Variants in PDE11A observed in about 807,000 individuals in gnomAD.
PDE11A encodes phosphodiesterase 11A.
A neutral mutation model predicts 100.5 loss-of-function variants in PDE11A; 100 were observed. The ratio of observed to expected loss-of-function variants is 1.00; its 90% confidence interval spans 0.85 to 1.18. PDE11A has a LOEUF of 1.18. Among genes scored for constraint, PDE11A ranks in the 50% most tolerant of loss-of-function variants. PDE11A has a pLI of 0.00. For synonymous variants in PDE11A, 381 were observed against 420.8 expected (o/e 0.91, Z 1.16); for missense variants, 1,141 against 1,152.6 (o/e 0.99, Z 0.15).
chr2:177,699,255 C>T (rs111997576), intron 14 of PDE11A, among the ~76,000 whole-genome samples: 2,606 of 152,260 alleles, frequency 0.017, 66 homozygotes, highest in African/African-American at 0.059. Flanking sequence ...CTGTCTGTAA[C>T]ACTGTGAGCA....
At chr2:178,001,311 T>TGTGTGTGTGTGTGTGTGTG (rs59287027) in intron 2 of PDE11A, among the ~76,000 whole-genome samples, 5 of 148,014 alleles carry the variant, frequency 3.4e-5, no homozygotes, top group African/African-American at 1.3e-4. Context: ...TGTGTGTGTG[T>TGTGTGTGTGTGTGTGTGTG]AGTAGGTTTA....
At chr2:177,938,978 G>A (rs985444057) in intron 2 of PDE11A, among the ~76,000 whole-genome samples, 7 of 152,184 alleles carry the variant, frequency 4.6e-5, no homozygotes, top group Admixed American at 1.3e-4. Context: ...GCACACCAAG[G>A]AGACAGGCCT....
intron 1 of PDE11A, chr2:178,018,369 T>TTCGGCACACTTGACTTTAAC (rs372235652): frequency 2.7e-6 from 1 of 372,402 alleles, no homozygotes; most frequent in Non-Finnish European, 5.4e-6. Context: ...AGGCAGGCCT[T>TTCGGCACACTTGACTTTAAC]TTGGCACACT....
At chr2:177,736,631 T>A (rs897543458) in intron 10 of PDE11A, among the ~76,000 whole-genome samples, 1 of 152,030 alleles carries the variant, frequency 6.6e-6, no homozygotes, top group Non-Finnish European at 1.5e-5. Context: ...TGGCTGCTGA[T>A]CCTTGTGCAT....
chr2:177,723,309 A>T (rs1283657603), intron 12 of PDE11A: 1 of 152,166 alleles, frequency 6.6e-6, no homozygotes, highest in African/African-American at 2.4e-5. Context: ...TGACAACACA[A>T]ATATGGATTT....
intron 2 of PDE11A, among the ~76,000 whole-genome samples, chr2:177,992,438 A>C (rs2086015896): frequency 7.0e-6 from 1 of 143,760 alleles, no homozygotes; most frequent in Admixed American, 7.1e-5. Context: ...ATGTATATAG[A>C]TGGTAAACAG....
chr2:178,087,905 TTG>T (rs2087378610), intron 2 of PDE11A, among the ~76,000 whole-genome samples: 2 of 152,220 alleles, frequency 1.3e-5, no homozygotes, highest in Middle Eastern at 6.8e-3. Flanking sequence ...AGTTTTTTTT[TTG>T]TTTTTTTCTT....
chr2:177,830,102 C>T (rs1419516964), intron 6 of PDE11A, among the ~76,000 whole-genome samples: 1 of 151,950 alleles, frequency 6.6e-6, no homozygotes, highest in Non-Finnish European at 1.5e-5. Context: ...GGGCCATGGC[C>T]GGCAGAAAAA....
At chr2:177,934,658 T>A (rs897422903) in intron 2 of PDE11A, among the ~76,000 whole-genome samples, 3 of 152,122 alleles carry the variant, frequency 2.0e-5, no homozygotes, top group Admixed American at 2.0e-4. Context: ...AGAAAATAAA[T>A]CATTCTACCA....
At chr2:178,015,424 C>CA (rs199989786) in intron 1 of PDE11A, among the ~76,000 whole-genome samples, 12 of 150,506 alleles carry the variant, frequency 8.0e-5, no homozygotes, top group East Asian at 1.9e-4. Context: ...TCATGAAAGA[C>CA]AAAAAAAAAG....
intron 19 of PDE11A, among the ~76,000 whole-genome samples, chr2:177,653,508 C>T (rs560333587): frequency 7.2e-5 from 11 of 152,112 alleles, no homozygotes; most frequent in Non-Finnish European, 1.0e-4. Context: ...TGAATGTGGC[C>T]ATGTTTGGAA....
intron 5 of PDE11A, among the ~76,000 whole-genome samples, chr2:177,859,102 G>A (rs1002649199): frequency 5.9e-5 from 9 of 152,058 alleles, no homozygotes; most frequent in African/African-American, 2.2e-4. Context: ...GTCGTGGGGT[G>A]GGGGGATCGG....
intron 16 of PDE11A, among the ~76,000 whole-genome samples, chr2:177,677,525 C>T (rs972800089): frequency 1.3e-5 from 2 of 152,070 alleles, no homozygotes; most frequent in Non-Finnish European, 2.9e-5. Context: ...GGGGAGTCAA[C>T]TAAGCCTGGG....
chr2:177,827,606 C>G (rs2083245772), intron 6 of PDE11A, among the ~76,000 whole-genome samples: 1 of 152,148 alleles, frequency 6.6e-6, no homozygotes. Context: ...ATACCTTAGA[C>G]TGACTAAATA....
intron 2 of PDE11A, among the ~76,000 whole-genome samples, chr2:178,085,125 T>C (rs921704937): frequency 4.6e-5 from 7 of 152,202 alleles, no homozygotes; most frequent in Admixed American, 1.3e-4. Context: ...AAATGTTTTG[T>C]TGTTGCAGGT....
chr2:177,938,200 G>C (rs1261852626), intron 2 of PDE11A, among the ~76,000 whole-genome samples: 1 of 152,142 alleles, frequency 6.6e-6, no homozygotes, highest in Non-Finnish European at 1.5e-5. Flanking sequence ...AGAGTTTAGG[G>C]GACATGCTGC....
rs570420404 is a variant in PDE11A, at chr2:177,823,654, A to G, written c.1501-3359T>C. 3.3e-5 allele frequency among the ~76,000 whole-genome samples: 5 copies of G among 152,302 alleles called. No individual in the cohort carries two copies. The East Asian group carries it at 9.6e-4, about 29-fold the overall frequency. On this transcript the variant is annotated intron_variant, in intron 6 of 19. Coordinates refer to ENST00000286063, the MANE Select transcript of PDE11A (RefSeq NM_016953.4). ...ATCAAAGTTATCTTCCAAAAAAACAAACTGGTTTTCTTCCCCTCCCTAAGG... is the reference window on the plus strand; with the variant it reads ...ATCAAAGTTATCTTCCAAAAAAACAGACTGGTTTTCTTCCCCTCCCTAAGG...
At position 177,817,841 on chromosome 2, in the gene PDE11A, T is replaced by C; in HGVS notation, c.1644+17A>G. The C allele has an allele frequency of 1.0e-5, 13 of 1,295,700 alleles. No individual in the cohort carries two copies. Among genetic ancestry groups the C allele is most frequent in the Non-Finnish European group, 1.5e-5 (13 of 891,898 alleles). The allele number at this position is 1,295,700 out of a possible 1,614,324, so 80.3% of individuals were successfully genotyped here. On this transcript the variant is annotated intron_variant, in intron 8 of 19. Coordinates refer to ENST00000286063, the MANE Select transcript of PDE11A (RefSeq NM_016953.4). The stretch of plus-strand genomic sequence containing the variant: ...ACTATTGATGACTCCACTTGGTTTA[T>C]AAATTTATTTTCTTACCTCAAAAAG...
intron 5 of PDE11A, among the ~76,000 whole-genome samples, chr2:177,850,203 C>G (rs567480560): frequency 7.9e-5 from 12 of 152,142 alleles, no homozygotes; most frequent in Non-Finnish European, 1.3e-4. Flanking sequence ...ACCAGTGGAA[C>G]AGAACAGAGC....
Sources: gnomAD v4.1 joint callset for allele counts (sites outside exome capture counted in the v4.1 genomes callset) on GRCh38, gnomAD v4.1.1 for gene constraint, MANE v1.5 for transcripts, NCBI Gene and HGNC (gene_info 2026-07-23, HGNC 2026-07-21) for gene names.